The following UNC79 variants were observed in gnomAD, a reference collection of about 807,000 sequenced individuals.
The protein encoded by UNC79 is protein unc-79 homolog.
In UNC79, 37 loss-of-function variants were observed where a neutral mutation model predicts 283.1. That is an observed-to-expected ratio of 0.13 (90% CI 0.10 to 0.17). UNC79 has a LOEUF of 0.17. Ranked by LOEUF, UNC79 falls within the 10% of genes least tolerant of loss-of-function variation. The pLI is 1.00. For synonymous variants in UNC79, 1,107 were observed against 1,200.2 expected, an observed-to-expected ratio of 0.92 and a Z score of 1.61; for missense variants, 2,272 against 3,211.1, an observed-to-expected ratio of 0.71 and a Z score of 7.07.
In UNC79 at chr14:93,349,257, A is replaced by T. The variant is rs1242315240; in HGVS notation, c.-351+15734A>T. 5.3e-5 allele frequency among the ~76,000 whole-genome samples: 8 copies of T among 152,262 alleles called. No homozygotes were observed. In the South Asian group the frequency reaches 1.2e-3, roughly 24 times the overall value. Reference sequence around the variant, plus strand: ...GGACACAATAAGTGATTAACAGCAGATATACCAATTGTGAGAAACACATAT... The same window carrying T: ...GGACACAATAAGTGATTAACAGCAGTTATACCAATTGTGAGAAACACATAT... On this transcript the variant is annotated intron_variant, in intron 1 of 49. Transcript: ENST00000256339.
chr14:93,458,068 C>G (rs1325193119), intron 1 of UNC79, among the ~76,000 whole-genome samples: 2 of 152,108 alleles, frequency 1.3e-5, no homozygotes, highest in East Asian at 3.9e-4. Context: ...TGAAATATGT[C>G]CAAATCCTCT....
At chr14:93,455,525 T>C (rs1022434083) in intron 1 of UNC79, among the ~76,000 whole-genome samples, 2 of 151,868 alleles carry the variant, frequency 1.3e-5, no homozygotes, top group Non-Finnish European at 2.9e-5. Flanking sequence ...CTATTCTTGA[T>C]TATATTGATG....
chr14:93,503,423 A>C (rs2059389268), intron 7 of UNC79, among the ~76,000 whole-genome samples: 1 of 152,084 alleles, frequency 6.6e-6, no homozygotes, highest in Non-Finnish European at 1.5e-5. Context: ...CCTAAGGTGG[A>C]ATTCCTGGAT....
intron 1 of UNC79, among the ~76,000 whole-genome samples, chr14:93,405,148 T>C (rs1247748311): frequency 1.3e-5 from 2 of 151,876 alleles, no homozygotes; most frequent in East Asian, 1.9e-4. Context: ...CTGCGTGTGG[T>C]GGCGGGCACC....
At chr14:93,616,336 G>A (rs558686951) in intron 27 of UNC79, among the ~76,000 whole-genome samples, 1 of 150,008 alleles carries the variant, frequency 6.7e-6, no homozygotes, top group South Asian at 2.1e-4. Context: ...TGTATTAGAC[G>A]GTATATGCTT....
intron 1 of UNC79, among the ~76,000 whole-genome samples, chr14:93,451,208 C>T (rs1319788139): frequency 1.3e-5 from 2 of 151,862 alleles, no homozygotes; most frequent in African/African-American, 4.8e-5. Context: ...CAGTTAGAGG[C>T]TTTCTTTAGA....
intron 4 of UNC79, among the ~76,000 whole-genome samples, chr14:93,481,111 G>A (rs2058116151): frequency 1.3e-5 from 2 of 152,100 alleles, no homozygotes; most frequent in South Asian, 2.1e-4. Context: ...CCAAGTGCTG[G>A]ACTTTTATTT....
chr14:93,522,318 A>T (rs2140975336), intron 7 of UNC79, among the ~76,000 whole-genome samples: 1 of 152,062 alleles, frequency 6.6e-6, no homozygotes, highest in East Asian at 1.9e-4. Context: ...ACTGATTTGG[A>T]GATGGTTAGC....
chr14:93,599,385 T>C (rs1013803345), intron 24 of UNC79, among the ~76,000 whole-genome samples: 2 of 150,078 alleles, frequency 1.3e-5, no homozygotes, highest in African/African-American at 4.9e-5. Flanking sequence ...TGTGTGTGTG[T>C]ATGTGTGCAT....
At chr14:93,398,766 G>A (rs952386361) in intron 1 of UNC79, among the ~76,000 whole-genome samples, 1 of 152,134 alleles carries the variant, frequency 6.6e-6, no homozygotes, top group Non-Finnish European at 1.5e-5. Flanking sequence ...TATCCAGGAA[G>A]GTCTTTATGT....
intron 23 of UNC79, among the ~76,000 whole-genome samples, chr14:93,594,351 C>T (rs1343892607): frequency 6.6e-6 from 1 of 152,028 alleles, no homozygotes; most frequent in African/African-American, 2.4e-5. Flanking sequence ...CTCACTGCAA[C>T]CTCTGCCTCC....
intron 1 of UNC79, among the ~76,000 whole-genome samples, chr14:93,387,402 C>T (rs2054800324): frequency 1.3e-5 from 2 of 151,806 alleles, no homozygotes; most frequent in African/African-American, 4.8e-5. Context: ...CTTAGTTCTG[C>T]TTTTGCTGTA....
chr14:93,623,129 T>C (rs914319533), intron 30 of UNC79, among the ~76,000 whole-genome samples: 2 of 152,236 alleles, frequency 1.3e-5, no homozygotes, highest in African/African-American at 2.4e-5. Flanking sequence ...CGTATCAGGA[T>C]AATCCAGGTA....
At chr14:93,578,292 C>T (rs1438502489) in intron 18 of UNC79, among the ~76,000 whole-genome samples, 1 of 152,142 alleles carries the variant, frequency 6.6e-6, no homozygotes, top group African/African-American at 2.4e-5. Flanking sequence ...TAGAAACACC[C>T]TAGTGTCATT....
At chr14:93,414,160 G>T (rs1344031387) in intron 1 of UNC79, among the ~76,000 whole-genome samples, 1 of 151,560 alleles carries the variant, frequency 6.6e-6, no homozygotes, top group Non-Finnish European at 1.5e-5. Context: ...TATGGTTTTA[G>T]GTCTAACGTT....
chr14:93,688,015 A>G lies in UNC79; in HGVS notation c.6910-650A>G, dbSNP rs1454925213. Among the ~76,000 whole-genome samples, 1 of 152,094 alleles carries G rather than the reference A, an allele frequency of 6.6e-6. No homozygotes were observed. Among genetic ancestry groups the G allele is most frequent in the Non-Finnish European group, 1.5e-5 (1 of 68,018 alleles). On this transcript the variant is annotated intron_variant, in intron 43 of 48. Coordinates refer to ENST00000555664, the Ensembl canonical transcript of UNC79. This position sits in a 1 kb window ranked among gnomAD's most constrained non-coding sequence, Gnocchi z 4.0. ...ACCTGGGTCTAGAACCTAGGTCTCA[A>G]TGCCTAGTTCAGTGCCCTTCCCACT...
intron 40 of UNC79, among the ~76,000 whole-genome samples, chr14:93,667,636 A>T (rs968421925): frequency 6.6e-6 from 1 of 152,184 alleles, no homozygotes; most frequent in South Asian, 2.1e-4. Context: ...TCTCTTCTTT[A>T]TACAAACTAA....
chr14:93,663,636 A>G (rs1024065487), intron 40 of UNC79, among the ~76,000 whole-genome samples: 1 of 152,132 alleles, frequency 6.6e-6, no homozygotes, highest in African/African-American at 2.4e-5. Flanking sequence ...TAAATGTTCC[A>G]TGGTAATCTT....
intron 4 of UNC79, among the ~76,000 whole-genome samples, chr14:93,481,685 T>A (rs542215878): frequency 6.6e-6 from 1 of 152,200 alleles, no homozygotes; most frequent in Non-Finnish European, 1.5e-5. Context: ...TTTTTTGTTC[T>A]ATTCCTACTA....
Sources: gnomAD v4.1 joint callset for allele counts (sites outside exome capture counted in the v4.1 genomes callset) on GRCh38, gnomAD v4.1.1 for gene constraint, Gnocchi (gnomAD v3.1) non-coding constraint, MANE v1.5 for transcripts, NCBI Gene and HGNC (gene_info 2026-07-23, HGNC 2026-07-21) for gene names.